The following MACROD2 variants were observed in gnomAD, a reference collection of about 807,000 sequenced individuals.
The protein encoded by MACROD2 is mono-ADP ribosylhydrolase 2, also known as ADP-ribose glycohydrolase MACROD2.
MACROD2 carries 36 observed loss-of-function variants against 70.4 expected under a neutral mutation model. The observed-to-expected ratio is 0.51, with a 90% CI of 0.39 to 0.68. The LOEUF (loss-of-function observed/expected upper bound fraction) is 0.68, where lower values mean the gene tolerates loss of function less well. Among genes scored for constraint, MACROD2 ranks in the 30% least tolerant of loss-of-function variants. The pLI is 0.00. For missense variants in MACROD2, 496 were observed against 538.4 expected (o/e 0.92, Z 0.78); for synonymous variants, 172 against 178.8 (o/e 0.96, Z 0.30).
At chr20:15,484,137 C>T (rs535973210) in intron 7 of MACROD2, among the ~76,000 whole-genome samples, 82 of 150,086 alleles carry the variant, frequency 5.5e-4, no homozygotes, top group Non-Finnish European at 8.7e-4. Flanking sequence ...TGTTAAGTTC[C>T]TGGTCTGATA....
At chr20:15,168,630 G>T (rs2076402793) in intron 5 of MACROD2, among the ~76,000 whole-genome samples, 1 of 152,034 alleles carries the variant, frequency 6.6e-6, no homozygotes, top group African/African-American at 2.4e-5. Flanking sequence ...TATGTCCATT[G>T]GCAGATGAAT....
intron 15 of MACROD2, among the ~76,000 whole-genome samples, chr20:15,999,521 CTTTA>C (rs2066680137): frequency 1.3e-5 from 2 of 152,084 alleles, no homozygotes; most frequent in Non-Finnish European, 2.9e-5. Flanking sequence ...TCTGTTGTTT[CTTTA>C]TTGATTTTCT....
At chr20:14,626,060 G>A (rs1309594494) in intron 4 of MACROD2, among the ~76,000 whole-genome samples, 1 of 152,106 alleles carries the variant, frequency 6.6e-6, no homozygotes, top group Non-Finnish European at 1.5e-5. Flanking sequence ...TTGTGACCTC[G>A]TGATCTGCCC....
At chr20:15,198,306 C>G (rs938716713) in intron 5 of MACROD2, among the ~76,000 whole-genome samples, 17 of 152,132 alleles carry the variant, frequency 1.1e-4, no homozygotes, top group Non-Finnish European at 2.2e-4. Flanking sequence ...GCCACTGTGC[C>G]TGGCCAGAAG....
chr20:14,959,196 A>G (rs1468649074), intron 5 of MACROD2, among the ~76,000 whole-genome samples: 2 of 152,068 alleles, frequency 1.3e-5, no homozygotes, highest in Non-Finnish European at 2.9e-5. Context: ...CAGTAGCGCA[A>G]TCTCGGCTCA....
intron 3 of MACROD2, among the ~76,000 whole-genome samples, chr20:14,370,607 A>T (rs1028923248): frequency 3.3e-5 from 5 of 152,180 alleles, no homozygotes; most frequent in Admixed American, 3.3e-4. Context: ...AGTTTTAATT[A>T]AATTTGCTGG....
chr20:14,811,183 A>G (rs1317484185), intron 5 of MACROD2, among the ~76,000 whole-genome samples: 1 of 152,118 alleles, frequency 6.6e-6, no homozygotes, highest in African/African-American at 2.4e-5. Flanking sequence ...CCTGACTTCA[A>G]AGTATACTAC....
intron 9 of MACROD2, among the ~76,000 whole-genome samples, chr20:15,865,834 G>A (rs2064485052): frequency 6.6e-6 from 1 of 152,172 alleles, no homozygotes; most frequent in Non-Finnish European, 1.5e-5. Flanking sequence ...GCACCTGGGG[G>A]CTGTCTTTAT....
intron 5 of MACROD2, among the ~76,000 whole-genome samples, chr20:14,949,649 A>C (rs1203197101): frequency 6.6e-6 from 1 of 152,190 alleles, no homozygotes; most frequent in Non-Finnish European, 1.5e-5. Context: ...TACTCATGGA[A>C]GCAAACATGA....
chr20:15,216,174 C>T (rs1006337040), intron 5 of MACROD2, among the ~76,000 whole-genome samples: 2 of 152,004 alleles, frequency 1.3e-5, no homozygotes, highest in African/African-American at 2.4e-5. Flanking sequence ...TTTAATTGTA[C>T]ATTTTAATAT....
intron 4 of MACROD2, among the ~76,000 whole-genome samples, chr20:14,540,344 G>A (rs993127198): frequency 6.6e-6 from 1 of 152,138 alleles, no homozygotes; most frequent in African/African-American, 2.4e-5. Flanking sequence ...AGAAGCAGTA[G>A]CAGCTTCAAT....
intron 3 of MACROD2, among the ~76,000 whole-genome samples, chr20:14,353,977 T>C (rs923529730): frequency 5.9e-5 from 9 of 152,152 alleles, no homozygotes; most frequent in African/African-American, 9.7e-5. Flanking sequence ...GGGTGTCAAG[T>C]CGGCAATCTG....
At chr20:15,179,070 C>T (rs1026646196) in intron 5 of MACROD2, among the ~76,000 whole-genome samples, 7 of 152,112 alleles carry the variant, frequency 4.6e-5, no homozygotes, top group Non-Finnish European at 1.0e-4. Context: ...CCTATATAAC[C>T]TAGATTGAGC....
intron 8 of MACROD2, among the ~76,000 whole-genome samples, chr20:15,526,856 C>T (rs1412055972): frequency 6.6e-6 from 1 of 152,112 alleles, no homozygotes; most frequent in Admixed American, 6.5e-5. Context: ...AAGATAATGA[C>T]TACTGTTTAG....
At chr20:14,965,122 C>T (rs2074620768) in intron 5 of MACROD2, among the ~76,000 whole-genome samples, 1 of 152,070 alleles carries the variant, frequency 6.6e-6, no homozygotes, top group Non-Finnish European at 1.5e-5. Context: ...CAGATACTTG[C>T]TTTTAAGGAG....
intron 5 of MACROD2, among the ~76,000 whole-genome samples, chr20:15,175,735 G>A (rs1313515480): frequency 6.6e-6 from 1 of 152,208 alleles, no homozygotes; most frequent in Admixed American, 6.5e-5. Context: ...TTATACTGAT[G>A]GCAGTGGCGG....
At chr20:14,468,416 GA>G (rs1307437458) in intron 3 of MACROD2, among the ~76,000 whole-genome samples, 4 of 148,646 alleles carry the variant, frequency 2.7e-5, no homozygotes, top group Non-Finnish European at 4.4e-5. Context: ...TGTTTTATCA[GA>G]GACTAGGATT....
chr20:15,897,600 T>A (rs2064993360), intron 10 of MACROD2, among the ~76,000 whole-genome samples: 1 of 152,150 alleles, frequency 6.6e-6, no homozygotes, highest in East Asian at 1.9e-4. Context: ...TCCGGTTAAT[T>A]TTTTTCAAGT....
At chr20:14,113,545 A>T (rs1378561993) in intron 3 of MACROD2, among the ~76,000 whole-genome samples, 1 of 152,046 alleles carries the variant, frequency 6.6e-6, no homozygotes, top group Non-Finnish European at 1.5e-5. Flanking sequence ...GTTGCCATGA[A>T]CTTGGAGCTT....
Sources: allele counts gnomAD v4.1 joint callset (sites outside exome capture counted in the v4.1 genomes callset), GRCh38; gene constraint gnomAD v4.1.1; transcripts MANE v1.5; gene names NCBI Gene and HGNC (gene_info 2026-07-23, HGNC 2026-07-21).